Variants in RARB observed in about 807,000 individuals in gnomAD.
The protein encoded by RARB is HBV-activated protein.
In RARB, 17 loss-of-function variants were observed where a neutral mutation model predicts 51.9. The observed-to-expected ratio is 0.33, with a 90% CI of 0.22 to 0.49. The LOEUF is 0.49. RARB is among the 20% of genes least tolerant of loss of function. The pLI is 0.99. For missense variants in RARB, 369 were observed against 550.8 expected (o/e 0.67, Z 3.30); for synonymous variants, 215 against 195.4 (o/e 1.10, Z -0.84).
intron 5 of RARB, among the ~76,000 whole-genome samples, chr3:25,208,578 A>T (rs1701617256): frequency 6.6e-6 from 1 of 152,120 alleles, no homozygotes; most frequent in Non-Finnish European, 1.5e-5. Context: ...GAAATAGGAT[A>T]CTGTTCCCTT....
chr3:25,074,387 G>A (rs563082655), intron 3 of RARB, among the ~76,000 whole-genome samples: 1 of 152,214 alleles, frequency 6.6e-6, no homozygotes, highest in African/African-American at 2.4e-5. Context: ...CTGGACAGTT[G>A]CTACTGACTA....
chr3:25,312,759 T>G (rs1202895430), intron 5 of RARB, among the ~76,000 whole-genome samples: 1 of 152,216 alleles, frequency 6.6e-6, no homozygotes, highest in East Asian at 1.9e-4. Context: ...ACAATCTGCA[T>G]AGATGGCCCC....
At chr3:24,914,636 A>C (rs1472781050) in intron 2 of RARB, among the ~76,000 whole-genome samples, 1 of 152,180 alleles carries the variant, frequency 6.6e-6, no homozygotes, top group Non-Finnish European at 1.5e-5. Context: ...ACTTTAAATC[A>C]TCTCCAGATT....
At chr3:25,561,307 A>C (rs1700259554) in intron 3 of RARB, among the ~76,000 whole-genome samples, 1 of 152,192 alleles carries the variant, frequency 6.6e-6, no homozygotes, top group Admixed American at 6.5e-5. Context: ...CATGTATTCA[A>C]ATATCCTGTA....
intron 2 of RARB, among the ~76,000 whole-genome samples, chr3:25,049,333 C>T (rs145070119): frequency 9.2e-4 from 140 of 152,332 alleles, no homozygotes; most frequent in East Asian, 5.4e-3. Flanking sequence ...CTAGCATTCA[C>T]GTGACTTGAC....
At chr3:25,172,825 T>G (rs1039841634) in intron 4 of RARB, among the ~76,000 whole-genome samples, 2 of 152,222 alleles carry the variant, frequency 1.3e-5, no homozygotes, top group Admixed American at 6.5e-5. Context: ...AGGCACTGTT[T>G]CTCTGTTGTA....
At chr3:25,105,280 T>G (rs1251632723) in intron 3 of RARB, among the ~76,000 whole-genome samples, 3 of 152,102 alleles carry the variant, frequency 2.0e-5, no homozygotes, top group African/African-American at 7.2e-5. Flanking sequence ...AGGATGTGCA[T>G]TCAGGCTTCT....
At chr3:25,468,396 T>TTA (rs58115094) in intron 2 of RARB, among the ~76,000 whole-genome samples, 3,517 of 143,654 alleles carry the variant, frequency 0.024, 77 homozygotes, top group Non-Finnish European at 0.039. Flanking sequence ...TTTTTTTTTT[T>TTA]AACCCATAGC....
At position 25,344,870 on chromosome 3, in the gene RARB, TAG is replaced by T. The variant is rs1159119337; in HGVS notation, c.179-116316_179-116315del. On this transcript the variant is annotated intron_variant, in intron 5 of 11. Transcript: ENST00000383772. ...AAACCTTTTATACACATGTGGGAGC[TAG>T]AGAGAGTGGAAAGTTTTTAGGGCTT... 2.6e-5 allele frequency among the ~76,000 whole-genome samples: 4 copies of T among 152,196 alleles called. No homozygotes were observed. In the East Asian group the frequency reaches 7.7e-4, roughly 29 times the overall value.
intron 5 of RARB, among the ~76,000 whole-genome samples, chr3:25,182,079 G>A (rs752260606): frequency 6.6e-6 from 1 of 152,154 alleles, no homozygotes; most frequent in Non-Finnish European, 1.5e-5. Context: ...ATTACATGTA[G>A]GTGTAGGTGG....
At chr3:25,227,165 G>A (rs1466915313) in intron 5 of RARB, among the ~76,000 whole-genome samples, 2 of 152,076 alleles carry the variant, frequency 1.3e-5, no homozygotes, top group African/African-American at 4.8e-5. Context: ...TCACTGAGGA[G>A]GTAAATATGT....
chr3:25,049,043 C>G (rs183383913), intron 2 of RARB, among the ~76,000 whole-genome samples: 2 of 152,156 alleles, frequency 1.3e-5, no homozygotes, highest in Non-Finnish European at 2.9e-5. Flanking sequence ...TGAGCCACCG[C>G]GCCCAGCTCC....
At chr3:24,877,945 A>G (rs1489737546) in intron 2 of RARB, among the ~76,000 whole-genome samples, 2 of 152,316 alleles carry the variant, frequency 1.3e-5, no homozygotes, top group Admixed American at 6.5e-5. Context: ...CAACACAGAC[A>G]TGCATTTAGC....
intron 3 of RARB, among the ~76,000 whole-genome samples, chr3:25,518,871 T>A (rs1698286890): frequency 6.6e-6 from 1 of 152,156 alleles, no homozygotes; most frequent in Admixed American, 6.6e-5. Flanking sequence ...TATGCATCCT[T>A]CAAACTACCT....
At chr3:25,053,653 A>G (rs1302648229) in intron 2 of RARB, among the ~76,000 whole-genome samples, 1 of 152,200 alleles carries the variant, frequency 6.6e-6, no homozygotes, top group Non-Finnish European at 1.5e-5. Context: ...ACTCAGGCCA[A>G]TAAATATAGC....
At chr3:24,898,432 G>A (rs945214163) in intron 2 of RARB, among the ~76,000 whole-genome samples, 3 of 151,570 alleles carry the variant, frequency 2.0e-5, no homozygotes, top group Non-Finnish European at 4.4e-5. Flanking sequence ...GAAATTATCA[G>A]TACAATTAGA....
chr3:24,998,077 G>T (rs554353379), intron 2 of RARB, among the ~76,000 whole-genome samples: 301 of 152,152 alleles, frequency 2.0e-3, no homozygotes, highest in Non-Finnish European at 3.3e-3. Flanking sequence ...TTTACTGCTA[G>T]ATGTTTTACT....
intron 4 of RARB, among the ~76,000 whole-genome samples, chr3:25,164,752 T>C (rs1360206328): frequency 6.6e-6 from 1 of 152,230 alleles, no homozygotes. Context: ...TATTTTCAAA[T>C]AGAAATGGGT....
At chr3:25,390,179 T>A (rs958753406) in intron 5 of RARB, among the ~76,000 whole-genome samples, 23 of 152,208 alleles carry the variant, frequency 1.5e-4, no homozygotes, top group Middle Eastern at 3.4e-3. Flanking sequence ...CCCTTATGAA[T>A]GGAATTCGCA....
Sources: gnomAD v4.1 joint callset for allele counts (sites outside exome capture counted in the v4.1 genomes callset) on GRCh38, gnomAD v4.1.1 for gene constraint, MANE v1.5 for transcripts, NCBI Gene and HGNC (gene_info 2026-07-23, HGNC 2026-07-21) for gene names.